CEP164: variants seen among roughly 807,000 people sequenced by gnomAD.
CEP164 encodes the protein centrosomal protein 164, also known as centrosomal protein of 164 kDa.
CEP164 carries 162 observed loss-of-function variants against 182.7 expected under a neutral mutation model. The ratio of observed to expected loss-of-function variants is 0.89; its 90% confidence interval spans 0.78 to 1.01. The LOEUF is 1.01. Ranked by LOEUF, CEP164 falls within the 50% of genes least tolerant of loss-of-function variation. The pLI is 0.00. For synonymous variants in CEP164, 661 were observed against 690.0 expected (o/e 0.96, Z 0.66); for missense variants, 1,735 against 1,790.4 (o/e 0.97, Z 0.56).
At chr11:117,328,080 G>C (rs1249068983) in intron 1 of CEP164, 176 bp downstream of exon 1, 1 of 152,348 alleles carries the variant, frequency 6.6e-6, no homozygotes, top group Non-Finnish European at 1.5e-5. Flanking sequence ...GCCAACGAGC[G>C]TGATGCGCTC....
chr11:117,382,970 C>A, intron 14 of CEP164, 28 bp downstream of exon 14: 1 of 1,602,882 alleles, frequency 6.2e-7, no homozygotes, highest in Non-Finnish European at 8.5e-7. Context: ...GTGTCTGTCC[C>A]TGACCTCCAC....
chr11:117,334,146 G>A (rs536117530), intron 1 of CEP164, among the ~76,000 whole-genome samples: 4 of 152,264 alleles, frequency 2.6e-5, no homozygotes, highest in African/African-American at 7.2e-5. Flanking sequence ...AAGAGTAGCA[G>A]CAGCTGAATC....
intron 4 of CEP164, among the ~76,000 whole-genome samples, chr11:117,348,317 A>G (rs1199818836): frequency 6.6e-6 from 1 of 152,142 alleles, no homozygotes; most frequent in Non-Finnish European, 1.5e-5. Context: ...AAAAATCGTC[A>G]ATCCAAGGGC....
intron 27 of CEP164, among the ~76,000 whole-genome samples, chr11:117,405,974 G>T (rs1444931255): frequency 6.6e-6 from 1 of 152,168 alleles, no homozygotes; most frequent in Non-Finnish European, 1.5e-5. Context: ...TCTCTAGGAG[G>T]TTCCAAACTT....
chr11:117,390,895 G>A lies in CEP164; in HGVS notation c.2053G>A (p.Glu685Lys), dbSNP rs1461192417. 1.9e-6 allele frequency: 3 copies of A among 1,613,890 alleles called. No individual in the cohort carries two copies. The highest frequency in any genetic ancestry group is 2.5e-6 in the Non-Finnish European group (3 of 1,180,022). The change falls in exon 16 of 33, where the codon GAG becomes AAG. Residue 685 changes from glutamate to lysine, a missense_variant. By Grantham distance (56) the Glu-to-Lys change is moderately conservative. Coordinates refer to ENST00000278935, the MANE Select transcript of CEP164 (RefSeq NM_014956.5). ...GGTCCAGTCCAGCACACAAGCAGAT[G>A]AGGACCAAATCAGGTAAGTGTGTGC... ...AQVQSSTQAD[E>K]DQIRAEQEAS...
chr11:117,382,563 C>G (rs888994553), intron 13 of CEP164, among the ~76,000 whole-genome samples: 1 of 152,154 alleles, frequency 6.6e-6, no homozygotes, highest in Non-Finnish European at 1.5e-5. Context: ...TACGGAGCTC[C>G]TGGGGTACCA....
At position 117,390,774 on chromosome 11, in the gene CEP164, C is replaced by T. The variant is rs2044544826; in HGVS notation, c.1935-3C>T. The T allele has an allele frequency of 1.9e-6, 3 of 1,613,956 alleles. No homozygotes were observed. The highest frequency in any genetic ancestry group is 2.5e-6 in the Non-Finnish European group (3 of 1,179,996). Reference sequence around the variant, plus strand: ...ACAACCTAGCCTTTCCTTTCCATCTCAGTTCCTTGAGGGAGCGGCTGCAGA... The same window carrying T: ...ACAACCTAGCCTTTCCTTTCCATCTTAGTTCCTTGAGGGAGCGGCTGCAGA... On this transcript the variant is annotated splice_region_variant and splice_polypyrimidine_tract_variant and intron_variant, in intron 15 of 32. Coordinates refer to ENST00000278935, the MANE Select transcript of CEP164 (RefSeq NM_014956.5).
intron 2 of CEP164, among the ~76,000 whole-genome samples, chr11:117,337,611 A>G (rs2037396335): frequency 6.6e-6 from 1 of 151,524 alleles, no homozygotes; most frequent in Non-Finnish European, 1.5e-5. Context: ...GCTTAACATC[A>G]CTGGGTCTGT....
At chr11:117,336,618 T>C (rs568057990) in intron 2 of CEP164, 65 of 1,276,828 alleles carry the variant, frequency 5.1e-5, no homozygotes, top group Admixed American at 2.9e-4. Flanking sequence ...CTGTCTGGCA[T>C]TGGGATTCCA....
chr11:117,335,218 A>C (rs987207508), intron 1 of CEP164, among the ~76,000 whole-genome samples: 2 of 152,182 alleles, frequency 1.3e-5, no homozygotes, highest in Non-Finnish European at 2.9e-5. Flanking sequence ...GTGGGGCATC[A>C]TGTCTGCAGG....
chr11:117,367,528 AT>A (rs907549299), intron 8 of CEP164, among the ~76,000 whole-genome samples: 33 of 151,874 alleles, frequency 2.2e-4, no homozygotes, highest in South Asian at 4.2e-4. Flanking sequence ...TCTCTTTTTA[AT>A]TTTTTTTTAT....
At chr11:117,372,754 G>A (rs1319786132) in intron 9 of CEP164, among the ~76,000 whole-genome samples, 3 of 152,182 alleles carry the variant, frequency 2.0e-5, no homozygotes, top group African/African-American at 2.4e-5. Context: ...GGGGGCAGTC[G>A]TGGTTGCAGC....
At chr11:117,388,069 C>T (rs962061416) in intron 15 of CEP164, among the ~76,000 whole-genome samples, 2 of 152,194 alleles carry the variant, frequency 1.3e-5, no homozygotes, top group African/African-American at 4.8e-5. Context: ...CCCTAGCATC[C>T]TCCTCTTCCA....
chr11:117,384,123 A>G (rs2043665049), intron 14 of CEP164, among the ~76,000 whole-genome samples: 2 of 152,230 alleles, frequency 1.3e-5, no homozygotes, highest in African/African-American at 4.8e-5. Context: ...GCATAGAGAA[A>G]GAGAAGGATC....
chr11:117,371,610 C>A, intron 9 of CEP164, 144 bp downstream of exon 9: 1 of 1,022,518 alleles, frequency 9.8e-7, no homozygotes, highest in Non-Finnish European at 1.4e-6. Context: ...TCAGCATCAG[C>A]CAGAGCCCTT....
chr11:117,374,844 C>T (rs765226300), intron 10 of CEP164, among the ~76,000 whole-genome samples: 90 of 152,148 alleles, frequency 5.9e-4, no homozygotes, highest in Non-Finnish European at 5.3e-4. Flanking sequence ...TTTGTCTGGG[C>T]GTCCCACCAT....
intron 4 of CEP164, among the ~76,000 whole-genome samples, chr11:117,348,440 C>G (rs1270313513): frequency 6.6e-6 from 1 of 152,056 alleles, no homozygotes; most frequent in Non-Finnish European, 1.5e-5. Flanking sequence ...GCCTTTTTGT[C>G]TAGTAGACTG....
chr11:117,392,900 TG>T, intron 19 of CEP164, 103 bp from the exon 20 acceptor site: 1 of 1,530,394 alleles, frequency 6.5e-7, no homozygotes. Context: ...TTGTGTGTGT[TG>T]GGGGAGATTG....
intron 2 of CEP164, among the ~76,000 whole-genome samples, chr11:117,337,931 G>A (rs925676881): frequency 2.6e-5 from 4 of 152,184 alleles, no homozygotes; most frequent in African/African-American, 9.7e-5. Flanking sequence ...ACCTGTCTGT[G>A]CAAGATGCTC....
Sources: gnomAD v4.1 joint callset for allele counts (sites outside exome capture counted in the v4.1 genomes callset) on GRCh38, gnomAD v4.1.1 for gene constraint, MANE v1.5 for transcripts, NCBI Gene and HGNC (gene_info 2026-07-23, HGNC 2026-07-21) for gene names.